PIK3R3: variants seen among roughly 807,000 people sequenced by gnomAD.
PIK3R3 encodes phosphatidylinositol 3-kinase regulatory subunit gamma.
In PIK3R3, 64 loss-of-function variants were observed where a neutral mutation model predicts 62.9. The observed-to-expected ratio is 1.02, with a 90% CI of 0.83 to 1.25. The LOEUF is 1.25. Among genes scored for constraint, PIK3R3 ranks in the 50% most tolerant of loss-of-function variants. PIK3R3 has a pLI of 0.00. For missense variants in PIK3R3, 614 were observed against 561.6 expected (o/e 1.09, Z -0.94); for synonymous variants, 165 against 189.0 (o/e 0.87, Z 1.04).
At chr1:46,133,251 G>A (rs569551729), upstream of PIK3R3, among the ~76,000 whole-genome samples, 2 of 152,364 alleles carry the variant, frequency 1.3e-5, no homozygotes, top group East Asian at 3.9e-4. Context: ...AACGCAAACG[G>A]CGGTTACTGA....
chr1:46,150,321 T>C, the PIK3R3 span, among the ~76,000 whole-genome samples: 1 of 152,222 alleles, frequency 6.6e-6, no homozygotes, highest in East Asian at 1.9e-4. Context: ...TATTGTGGAA[T>C]GTCTGTTGAG....
intron 4 of PIK3R3, 139 bp downstream of exon 4, chr1:46,066,770 AAC>A: frequency 2.7e-6 from 2 of 730,776 alleles, no homozygotes; most frequent in Non-Finnish European, 4.6e-6. Flanking sequence ...CAGCCTGGGC[AAC>A]AGAGACCCTG....
At chr1:46,105,444 C>T (rs969859394) in intron 1 of PIK3R3, among the ~76,000 whole-genome samples, 8 of 151,790 alleles carry the variant, frequency 5.3e-5, no homozygotes, top group Non-Finnish European at 4.4e-5. Flanking sequence ...GCGGAGGTTA[C>T]GGTAAGCCAA....
At chr1:46,118,301 A>AC (rs1180371153) in intron 1 of PIK3R3, among the ~76,000 whole-genome samples, 2 of 117,710 alleles carry the variant, frequency 1.7e-5, no homozygotes, top group Non-Finnish European at 3.6e-5. Context: ...CACAGCTTCT[A>AC]CCCTTGTCCA....
At chr1:46,134,015 G>C (rs1248874309), upstream of PIK3R3, among the ~76,000 whole-genome samples, 3 of 152,114 alleles carry the variant, frequency 2.0e-5, no homozygotes, top group South Asian at 2.1e-4. Flanking sequence ...TTCAGAAACA[G>C]CTAATTAACT....
At position 46,132,620 on chromosome 1, in the gene PIK3R3, A is replaced by G; in HGVS notation, c.-668T>C. 1 of 1,289,616 alleles carries G rather than the reference A, an allele frequency of 7.8e-7. No individual in the cohort carries two copies. Among genetic ancestry groups the G allele is most frequent in the Non-Finnish European group, 1.0e-6 (1 of 988,770 alleles). 79.9% of individuals were successfully genotyped at this position (1,289,616 alleles called of 1,614,324 possible). On this transcript the variant is annotated 5_prime_UTR_variant, in exon 1 of 10. Coordinates refer to ENST00000262741, the MANE Select transcript of PIK3R3 (RefSeq NM_003629.4). ...AACCCGACCGCACCAACTGCCCTCA[A>G]GCTCTGCCCGGACTCCAGCCACTAG...
At chr1:46,172,196 C>T in the PIK3R3 span, among the ~76,000 whole-genome samples, 1 of 152,204 alleles carries the variant, frequency 6.6e-6, no homozygotes, top group Non-Finnish European at 1.5e-5. Context: ...CACCTGCCTG[C>T]CATCTCCCCT....
chr1:46,088,807 T>C (rs1164115205), intron 1 of PIK3R3, among the ~76,000 whole-genome samples: 2 of 149,226 alleles, frequency 1.3e-5, no homozygotes, highest in Non-Finnish European at 3.0e-5. Context: ...AAAAGATCCA[T>C]ATCAAGCTAC....
At chr1:46,138,252 A>T in the PIK3R3 span, among the ~76,000 whole-genome samples, 36 of 152,352 alleles carry the variant, frequency 2.4e-4, no homozygotes, top group East Asian at 3.9e-4. Flanking sequence ...TCTTTCTGGA[A>T]TGTCCAATAA....
At chr1:46,048,661 A>C (rs1571348337) in intron 7 of PIK3R3, among the ~76,000 whole-genome samples, 3 of 152,268 alleles carry the variant, frequency 2.0e-5, no homozygotes, top group Non-Finnish European at 2.9e-5. Context: ...CAACCTCTTT[A>C]AACTGAGCCT....
chr1:46,166,205 T>TTTTTC, the PIK3R3 span, among the ~76,000 whole-genome samples: 310 of 151,670 alleles, frequency 2.0e-3, 1 homozygote, highest in South Asian at 7.3e-3. Flanking sequence ...CTTATAGGCT[T>TTTTTC]TTTTCTTTTC....
intron 3 of PIK3R3, among the ~76,000 whole-genome samples, chr1:46,070,193 T>C (rs929610993): frequency 3.9e-5 from 6 of 152,122 alleles, no homozygotes; most frequent in African/African-American, 1.2e-4. Context: ...TAGACAAAAA[T>C]TGTTGATCCA....
In PIK3R3 at chr1:46,055,852, AT is replaced by A; in HGVS notation, c.883del (p.Met295Ter). Reference protein sequence around the residue: ...ALDNREIDKKMNSIKPDLIQL... With the variant: ...ALDNREIDKKXNSIKPDLIQL... ...GATCAGGTCAGGTTTGATGCTATTCATTTTTTTATCTATTTCTCGGTTGTCC... is the reference window on the plus strand; with the variant it reads ...GATCAGGTCAGGTTTGATGCTATTCATTTTTTATCTATTTCTCGGTTGTCC... On this transcript the variant is annotated frameshift_variant, in exon 7 of 10. Transcript: ENST00000262741. LOFTEE classifies it high-confidence loss of function. The A allele has an allele frequency of 3.1e-6, 5 of 1,608,168 alleles. No individual in the cohort carries two copies. The highest frequency in any genetic ancestry group is 3.4e-6 in the Non-Finnish European group (4 of 1,177,274).
At chr1:46,070,078 G>A (rs1263029332) in intron 3 of PIK3R3, among the ~76,000 whole-genome samples, 1 of 152,154 alleles carries the variant, frequency 6.6e-6, no homozygotes, top group Non-Finnish European at 1.5e-5. Context: ...ATAAATAAGG[G>A]CAGAGAAATA....
chr1:46,076,221 C>T (rs1650052169), intron 3 of PIK3R3, among the ~76,000 whole-genome samples: 1 of 152,216 alleles, frequency 6.6e-6, no homozygotes, highest in South Asian at 2.1e-4. Context: ...GGCCATGGGA[C>T]AGGACAAGCT....
At position 46,112,850 on chromosome 1, in the gene PIK3R3, T is replaced by C. The variant is rs1571532254; in HGVS notation, c.106+18997A>G. Reference sequence around the variant, plus strand: ...CCATTTCACCATTCCCTCATTTTTATGTAAGAGGCCATATAATCCAAATCT... The same window carrying C: ...CCATTTCACCATTCCCTCATTTTTACGTAAGAGGCCATATAATCCAAATCT... On this transcript the variant is annotated intron_variant, in intron 1 of 9. Transcript: ENST00000262741. 1.3e-5 allele frequency among the ~76,000 whole-genome samples: 2 copies of C among 152,194 alleles called. 1 individual carries two copies. Among genetic ancestry groups the C allele is most frequent in the Non-Finnish European group, 2.9e-5 (2 of 68,038 alleles).
At chr1:46,095,135 T>C (rs777443056) in intron 1 of PIK3R3, among the ~76,000 whole-genome samples, 3 of 152,164 alleles carry the variant, frequency 2.0e-5, no homozygotes, top group Non-Finnish European at 4.4e-5. Context: ...ACTGGGTATA[T>C]ACCAAAAAGA....
At chr1:46,162,918 C>T in the PIK3R3 span, among the ~76,000 whole-genome samples, 4 of 152,262 alleles carry the variant, frequency 2.6e-5, no homozygotes, top group East Asian at 1.9e-4. Context: ...CCACCATGCC[C>T]GACCGCACTG....
intron 1 of PIK3R3, among the ~76,000 whole-genome samples, chr1:46,087,910 C>T (rs1363064916): frequency 6.6e-6 from 1 of 152,076 alleles, no homozygotes; most frequent in East Asian, 1.9e-4. Flanking sequence ...GTGTCAAATC[C>T]GTAGAGACAG....
Sources: gnomAD v4.1 joint callset for allele counts (sites outside exome capture counted in the v4.1 genomes callset) on GRCh38, gnomAD v4.1.1 for gene constraint, MANE v1.5 for transcripts, NCBI Gene and HGNC (gene_info 2026-07-23, HGNC 2026-07-21) for gene names.